The following C11orf65 variants were observed in gnomAD, a reference collection of about 807,000 sequenced individuals.
C11orf65 encodes the protein chromosome 11 open reading frame 65, also known as protein MFI.
A neutral mutation model predicts 35.3 loss-of-function variants in C11orf65; 38 were observed. The observed-to-expected ratio is 1.08, with a 90% CI of 0.83 to 1.41. C11orf65 has a LOEUF of 1.41. Among genes scored for constraint, C11orf65 ranks in the 40% most tolerant of loss-of-function variants. The pLI is 0.00. For missense variants in C11orf65, 370 were observed against 367.1 expected (o/e 1.01, Z -0.06); for synonymous variants, 105 against 114.4 (o/e 0.92, Z 0.53).
chr11:108,348,591 A>C (rs1269706689), intron 2 of C11orf65, among the ~76,000 whole-genome samples: 1 of 151,872 alleles, frequency 6.6e-6, no homozygotes, highest in Non-Finnish European at 1.5e-5. Flanking sequence ...TAATGTAAAG[A>C]AGTGTGAATG....
At chr11:108,319,182 A>G (rs557993806) in intron 6 of C11orf65, among the ~76,000 whole-genome samples, 2 of 152,350 alleles carry the variant, frequency 1.3e-5, no homozygotes, top group African/African-American at 4.8e-5. Context: ...GTCTCAAAAA[A>G]TAATAATTAT....
At chr11:108,375,213 A>G (rs948695128) in intron 2 of C11orf65, among the ~76,000 whole-genome samples, 2 of 151,958 alleles carry the variant, frequency 1.3e-5, no homozygotes, top group Non-Finnish European at 2.9e-5. Flanking sequence ...AAATGAAGGA[A>G]AAAATGTTAA....
rs1345727435 is a variant in C11orf65, at chr11:108,361,884, A to G, written c.227-26592T>C. Among the ~76,000 whole-genome samples the G allele has an allele frequency of 3.2e-3, 487 of 150,944 alleles. 1 individual carries two copies. The highest frequency in any genetic ancestry group is 6.8e-3 in the Middle Eastern group (2 of 292). On this transcript the variant is annotated intron_variant, in intron 2 of 3. Coordinates refer to the C11orf65 transcript ENST00000524755. ...AGGCATTACCATTCAGGACATAGGCATGGGCAAGGACTTCATGTCCAAAAC... is the reference window on the plus strand; with the variant it reads ...AGGCATTACCATTCAGGACATAGGCGTGGGCAAGGACTTCATGTCCAAAAC...
At chr11:108,433,386 G>A (rs913129009) in intron 2 of C11orf65, among the ~76,000 whole-genome samples, 7 of 151,578 alleles carry the variant, frequency 4.6e-5, no homozygotes, top group Admixed American at 1.3e-4. Flanking sequence ...AGACCACCCC[G>A]GCTAACACAG....
At chr11:108,430,295 AT>A (rs34278416) in intron 3 of C11orf65, among the ~76,000 whole-genome samples, 67,349 of 125,656 alleles carry the variant, frequency 0.54, 17,278 homozygotes, top group Middle Eastern at 0.72. Context: ...CGCCTGGCTA[AT>A]TTTTTTTTTT....
intron 2 of C11orf65, among the ~76,000 whole-genome samples, chr11:108,344,970 TC>T: frequency 6.6e-6 from 1 of 151,676 alleles, no homozygotes; most frequent in African/African-American, 2.4e-5. Context: ...ACCCCTGCAC[TC>T]CAGTCCAGGT....
chr11:108,308,850 C>A, exon 7 of C11orf65: 1 of 597,718 alleles, frequency 1.7e-6, no homozygotes, highest in Non-Finnish European at 2.9e-6. Context: ...GGTTATTTTA[C>A]CTTAGAGTTT....
chr11:108,425,474 A>G (rs1362914978), intron 3 of C11orf65, among the ~76,000 whole-genome samples: 6 of 152,240 alleles, frequency 3.9e-5, no homozygotes, highest in Non-Finnish European at 8.8e-5. Flanking sequence ...TGATAGACCA[A>G]TAACAAGTTC....
At chr11:108,345,596 CCTGTCCAGA>C (rs1237437728) in intron 2 of C11orf65, 6 of 653,380 alleles carry the variant, frequency 9.2e-6, no homozygotes, top group Non-Finnish European at 1.5e-5. Context: ...TAATTGCTTC[CCTGTCCAGA>C]CTGTTAGCTT....
intron 2 of C11orf65, among the ~76,000 whole-genome samples, chr11:108,458,302 G>A (rs1020387440): frequency 3.0e-5 from 4 of 134,700 alleles, no homozygotes; most frequent in South Asian, 4.6e-4. Flanking sequence ...ACTGGGAGGC[G>A]CCAAAATTAC....
At chr11:108,467,660 G>GT (rs1016790507), upstream of C11orf65, 107 of 152,282 alleles carry the variant, frequency 7.0e-4, no homozygotes, top group African/African-American at 2.5e-3. Context: ...TGCTGGTTCT[G>GT]TTAGAAGCCC....
In C11orf65 at chr11:108,383,183, G is replaced by A. The variant is rs755644276; in HGVS notation, c.788-8C>T. The A allele has an allele frequency of 1.9e-6, 3 of 1,570,394 alleles. No homozygotes were observed. The South Asian group carries it at 3.5e-5, about 19-fold the overall frequency. On this transcript the variant is annotated splice_polypyrimidine_tract_variant and splice_region_variant and intron_variant, in intron 8 of 8. Transcript: ENST00000393084. ...CTTGATTAAACCTGAATCCTAAAGA[G>A]AAGTGACAAATGATTAGAAAGATAC...
intron 2 of C11orf65, among the ~76,000 whole-genome samples, chr11:108,459,377 A>C (rs1219476407): frequency 6.6e-6 from 1 of 152,126 alleles, no homozygotes; most frequent in Non-Finnish European, 1.5e-5. Context: ...TTGGTCTGCA[A>C]AAGACTGGAG....
intron 2 of C11orf65, among the ~76,000 whole-genome samples, chr11:108,452,226 G>A (rs1330028753): frequency 2.0e-5 from 3 of 152,060 alleles, no homozygotes; most frequent in African/African-American, 4.8e-5. Flanking sequence ...GCAACCTACA[G>A]AATGGGAGAA....
chr11:108,328,273 GTC>G (rs1335330729), downstream of C11orf65, among the ~76,000 whole-genome samples: 2 of 152,068 alleles, frequency 1.3e-5, no homozygotes, highest in South Asian at 2.1e-4. Context: ...TTGAGATGAA[GTC>G]TCTCTCTGTC....
At chr11:108,353,706 A>G (rs761306969) in intron 2 of C11orf65, 83 of 1,353,898 alleles carry the variant, frequency 6.1e-5, no homozygotes, top group Non-Finnish European at 8.7e-5. Context: ...TCACATTCTA[A>G]CTGGAAAGAA....
At chr11:108,345,068 A>G (rs2088145018) in intron 2 of C11orf65, among the ~76,000 whole-genome samples, 1 of 152,116 alleles carries the variant, frequency 6.6e-6, no homozygotes, top group African/African-American at 2.4e-5. Flanking sequence ...TGTTTGGGGC[A>G]GCTGGGTAGA....
At chr11:108,440,912 G>A (rs747722714) in intron 2 of C11orf65, among the ~76,000 whole-genome samples, 1 of 152,292 alleles carries the variant, frequency 6.6e-6, no homozygotes, top group Non-Finnish European at 1.5e-5. Flanking sequence ...CATGAGCAAC[G>A]CAGAAGACAG....
chr11:108,393,269 A>T lies in C11orf65; in HGVS notation c.670T>A (p.Ser224Thr). 4 of 1,614,024 alleles carry T rather than the reference A, an allele frequency of 2.5e-6. No homozygotes were observed. Among genetic ancestry groups the T allele is most frequent in the Non-Finnish European group, 3.4e-6 (4 of 1,179,990 alleles). Residue 224 changes from serine to threonine, a missense_variant, in exon 7 of 9, where the codon TCT becomes ACT. Physicochemically the swap from Ser to Thr is moderately conservative, Grantham distance 58. Transcript: ENST00000393084. ...TCATCCACTTCCCATTCCATCACAG[A>T]ATCTATCCCCCCATCTTCAAAAGCT... The part of the protein sequence containing the change: ...IRAFEDGGID[S>T]VMEWEVDEVL...
Sources: gnomAD v4.1 joint callset for allele counts (sites outside exome capture counted in the v4.1 genomes callset) on GRCh38, gnomAD v4.1.1 for gene constraint, MANE v1.5 for transcripts, NCBI Gene and HGNC (gene_info 2026-07-23, HGNC 2026-07-21) for gene names.